Variants in CASK observed in about 807,000 individuals in gnomAD.
The protein encoded by CASK is peripheral plasma membrane protein CASK.
CASK carries 4 observed loss-of-function variants against 82.9 expected under a neutral mutation model. The ratio of observed to expected loss-of-function variants is 0.05; its 90% CI spans 0.02 to 0.11. CASK has a LOEUF of 0.11. Ranked by LOEUF, CASK falls within the 10% of genes least tolerant of loss-of-function variation. The pLI is 1.00. For missense variants in CASK, 358 were observed against 720.9 expected (o/e 0.50, Z 5.76); for synonymous variants, 259 against 253.5 (o/e 1.02, Z -0.20).
rs771838081 is a variant in CASK, at chrX:41,809,520, C to T, written c.173-22237G>A. ...CCAGCAAACTCCAACAGACCTGCAG[C>T]TGAGGGTCCTGACTGTTAGAAGGAA... is the stretch of plus-strand genomic sequence containing the variant. On this transcript the variant is annotated intron_variant, in intron 2 of 26. Coordinates refer to ENST00000378163, the MANE Select transcript of CASK (RefSeq NM_001367721.1). Among the ~76,000 whole-genome samples the T allele has an allele frequency of 5.3e-5, 6 of 112,497 alleles. No homozygotes were observed. In the South Asian group the frequency reaches 2.2e-3, roughly 41 times the overall value.
chrX:41,821,046 A>C (rs1000762745), intron 2 of CASK, among the ~76,000 whole-genome samples: 2 of 111,479 alleles, frequency 1.8e-5, no homozygotes, highest in African/African-American at 6.5e-5. Flanking sequence ...TTAGGTCACA[A>C]AAATCAGGAA....
intron 8 of CASK, among the ~76,000 whole-genome samples, chrX:41,655,696 C>T (rs1011593170): frequency 9.0e-6 from 1 of 111,349 alleles, no homozygotes; most frequent in Non-Finnish European, 1.9e-5. Context: ...GACAGGGCCC[C>T]GTGAACAGCT....
intron 5 of CASK, chrX:41,728,063 T>C: frequency 1.1e-6 from 1 of 901,964 alleles, no homozygotes. Context: ...CCCCACAATA[T>C]TAAGAAAAGC....
At chrX:41,569,100 T>G (rs2065365492) in intron 16 of CASK, among the ~76,000 whole-genome samples, 1 of 112,525 alleles carries the variant, frequency 8.9e-6, no homozygotes, top group Admixed American at 9.4e-5. Context: ...ATCATCGATT[T>G]GACATCTCTT....
At chrX:41,805,601 G>A (rs1484335926) in intron 2 of CASK, among the ~76,000 whole-genome samples, 1 of 111,504 alleles carries the variant, frequency 9.0e-6, no homozygotes, top group Non-Finnish European at 1.9e-5. Flanking sequence ...ATAGTGTCAG[G>A]AAAGAAATTA....
At chrX:41,837,645 T>C (rs1176290970) in intron 2 of CASK, among the ~76,000 whole-genome samples, 1 of 112,412 alleles carries the variant, frequency 8.9e-6, no homozygotes, top group Admixed American at 9.4e-5. Flanking sequence ...TTGAGATCTA[T>C]CCAAGTAGTT....
intron 3 of CASK, among the ~76,000 whole-genome samples, chrX:41,756,952 T>C (rs1462905653): frequency 8.9e-6 from 1 of 111,843 alleles, no homozygotes; most frequent in Non-Finnish European, 1.9e-5. Flanking sequence ...AGACAAGAGA[T>C]TACAACTAAG....
chrX:41,900,867 T>A lies in CASK; in HGVS notation c.59+22063A>T, dbSNP rs756211642. On this transcript the variant is annotated intron_variant, in intron 1 of 26. Coordinates refer to ENST00000378163, the MANE Select transcript of CASK (RefSeq NM_001367721.1). ...TTCAAGCAATTCTCCTGCCTCAGCC[T>A]CCCGAGTAGCTGGGATTACAGGCGC... 2.9e-5 allele frequency among the ~76,000 whole-genome samples: 3 copies of A among 103,069 alleles called. No individual in the cohort carries two copies. The East Asian group carries it at 1.0e-3, about 35-fold the overall frequency. 89.5% of individuals were successfully genotyped at this position (103,069 alleles called of 115,157 possible).
In CASK at chrX:41,520,608, T is replaced by C. The variant is rs767308275; in HGVS notation, c.2605-12A>G. On this transcript the variant is annotated splice_polypyrimidine_tract_variant and intron_variant, in intron 26 of 26. Transcript: ENST00000378163. ...TGAAGAGATTCATCCTAAATGGTGA[T>C]GAGATGGAGGTAGGGGTGGGCATGA... 8.4e-7 allele frequency: 1 copy of C among 1,191,722 alleles called. No individual in the cohort carries two copies. The highest frequency in any genetic ancestry group is 2.2e-5 in the Admixed American group (1 of 45,985).
chrX:41,622,349 C>G (rs755340662), intron 11 of CASK, among the ~76,000 whole-genome samples: 8 of 112,395 alleles, frequency 7.1e-5, no homozygotes, highest in Admixed American at 5.7e-4. Flanking sequence ...ATGTGAAATT[C>G]AGATGTGAAG....
chrX:41,714,314 T>A (rs1602509954), intron 5 of CASK, among the ~76,000 whole-genome samples: 2 of 111,744 alleles, frequency 1.8e-5, no homozygotes, highest in Middle Eastern at 9.3e-3. Context: ...CAAAACCTGT[T>A]GGTAAAGTCG....
At chrX:41,598,499 G>A (rs1227357744) in intron 12 of CASK, among the ~76,000 whole-genome samples, 4 of 110,405 alleles carry the variant, frequency 3.6e-5, no homozygotes, top group Non-Finnish European at 7.6e-5. Context: ...TTACAGGCAC[G>A]CACCACCACT....
rs780612441 is a variant in CASK at position 41,564,772 on chromosome X, A to G, written c.1583-3128T>C. 1.2e-4 allele frequency among the ~76,000 whole-genome samples: 13 copies of G among 111,866 alleles called. No homozygotes were observed. In the South Asian group the frequency reaches 4.4e-3, roughly 38 times the overall value. On this transcript the variant is annotated intron_variant, in intron 16 of 26. Coordinates refer to ENST00000378163, the MANE Select transcript of CASK (RefSeq NM_001367721.1). The stretch of plus-strand genomic sequence containing the variant: ...ACAGAACCCTCCACCCAAAATCAAC[A>G]GAATATATATTCTTCTCAGCACCAC...
intron 1 of CASK, among the ~76,000 whole-genome samples, chrX:41,874,092 G>C (rs2071764700): frequency 9.1e-6 from 1 of 110,174 alleles, no homozygotes; most frequent in African/African-American, 3.3e-5. Flanking sequence ...TGCCCAGCCA[G>C]TTTTTGCTAT....
intron 25 of CASK, among the ~76,000 whole-genome samples, chrX:41,526,984 G>A (rs1332782034): frequency 9.0e-6 from 1 of 110,905 alleles, no homozygotes; most frequent in Non-Finnish European, 1.9e-5. Flanking sequence ...TTGGTGCTGT[G>A]GTAGCCTGGC....
intron 3 of CASK, among the ~76,000 whole-genome samples, chrX:41,785,976 A>G (rs2069590665): frequency 8.9e-6 from 1 of 112,232 alleles, no homozygotes; most frequent in African/African-American, 3.2e-5. Context: ...AAGCTGCTCT[A>G]TGGAGAGGCC....
rs1230473111 is a variant in CASK at position 41,680,706 on chromosome X, G to C, written c.430-9176C>G. Among the ~76,000 whole-genome samples the C allele has an allele frequency of 1.0e-4, 11 of 108,996 alleles. 1 individual carries two copies. Among genetic ancestry groups the C allele is most frequent in the Admixed American group, 9.8e-4 (10 of 10,160 alleles). The allele number at this position is 108,996 out of a possible 115,157, so 94.6% of individuals were successfully genotyped here. ...GGCCGAGGCGGGAGGATCACCTGTC[G>C]GGAGTTCAAGACCAGCCTGACCAAC... On this transcript the variant is annotated intron_variant, in intron 5 of 26. Coordinates refer to ENST00000378163, the MANE Select transcript of CASK (RefSeq NM_001367721.1).
chrX:41,647,745 C>G (rs931101599), intron 8 of CASK, among the ~76,000 whole-genome samples: 7 of 111,942 alleles, frequency 6.3e-5, no homozygotes, highest in African/African-American at 2.3e-4. Context: ...TTTGTAATTT[C>G]TTATGCCTGT....
Position 41,631,442 on chromosome X carries a change from A to G in CASK, c.916-4739T>C, listed in dbSNP as rs768505136. On this transcript the variant is annotated intron_variant, in intron 9 of 26. Transcript: ENST00000378163. ...ACCCTGTCTCAATTAAAAAAGAAAAAACAACATATATCTATATATGTATTT... is the reference window on the plus strand; with the variant it reads ...ACCCTGTCTCAATTAAAAAAGAAAAGACAACATATATCTATATATGTATTT... Among the ~76,000 whole-genome samples the G allele has an allele frequency of 5.4e-5, 6 of 111,172 alleles. No individual in the cohort carries two copies. The South Asian group carries it at 2.3e-3, about 42-fold the overall frequency.
Sources: gnomAD v4.1 joint callset for allele counts (sites outside exome capture counted in the v4.1 genomes callset) on GRCh38, gnomAD v4.1.1 for gene constraint, MANE v1.5 for transcripts, NCBI Gene and HGNC (gene_info 2026-07-23, HGNC 2026-07-21) for gene names.